IPCEF1: variants seen among roughly 807,000 people sequenced by gnomAD.
IPCEF1 encodes the protein interactor protein for cytohesin exchange factors 1.
Under a neutral mutation model 50.9 loss-of-function variants are expected in IPCEF1, and 31 were observed. The observed-to-expected ratio is 0.61, with a 90% confidence interval of 0.46 to 0.82. The LOEUF (loss-of-function observed/expected upper bound fraction) is 0.82. Ranked by LOEUF, IPCEF1 falls within the 40% of genes least tolerant of loss-of-function variation. IPCEF1 has a pLI of 0.00. For synonymous variants in IPCEF1, 181 were observed against 192.0 expected, an observed-to-expected ratio of 0.94 and a Z score of 0.47; for missense variants, 458 against 514.0, an observed-to-expected ratio of 0.89 and a Z score of 1.05.
At chr6:154,205,029 T>C (rs1170116084) in intron 9 of IPCEF1, among the ~76,000 whole-genome samples, 12 of 152,114 alleles carry the variant, frequency 7.9e-5, no homozygotes, top group Admixed American at 2.6e-4. Flanking sequence ...CTCCTTCCCA[T>C]TGCTTGGACC....
At chr6:154,219,576 T>C (rs1355916818) in intron 7 of IPCEF1, among the ~76,000 whole-genome samples, 1 of 152,022 alleles carries the variant, frequency 6.6e-6, no homozygotes, top group Non-Finnish European at 1.5e-5. Context: ...CCTTGTGCCT[T>C]CCACATCCCA....
intron 1 of IPCEF1, among the ~76,000 whole-genome samples, chr6:154,294,718 A>C (rs190955710): frequency 1.8e-3 from 280 of 152,096 alleles, no homozygotes; most frequent in African/African-American, 6.5e-3. Context: ...CTTTTTGCCC[A>C]ATAAACCCTG....
chr6:154,271,412 A>C (rs1012949407), intron 2 of IPCEF1, among the ~76,000 whole-genome samples: 10 of 152,102 alleles, frequency 6.6e-5, no homozygotes, highest in African/African-American at 2.4e-4. Flanking sequence ...TGGAATGAAA[A>C]TATGAGTTTC....
At chr6:154,337,840 G>T (rs566176079) in intron 1 of IPCEF1, among the ~76,000 whole-genome samples, 1 of 152,182 alleles carries the variant, frequency 6.6e-6, no homozygotes, top group South Asian at 2.1e-4. Context: ...AGGAAGACTC[G>T]AGTAGAGGAC....
intron 3 of IPCEF1, among the ~76,000 whole-genome samples, chr6:154,256,905 T>C (rs560487236): frequency 6.6e-6 from 1 of 152,332 alleles, no homozygotes; most frequent in Non-Finnish European, 1.5e-5. Context: ...TTCAACACTT[T>C]ATTATAAAAT....
chr6:154,178,681 C>CA (rs2128565034), intron 10 of IPCEF1, among the ~76,000 whole-genome samples: 1 of 152,010 alleles, frequency 6.6e-6, no homozygotes, highest in South Asian at 2.1e-4. Context: ...ATATTATGCT[C>CA]AAAAAAACCA....
At chr6:154,351,645 C>A (rs1784121633) in intron 1 of IPCEF1, among the ~76,000 whole-genome samples, 1 of 152,142 alleles carries the variant, frequency 6.6e-6, no homozygotes, top group Admixed American at 6.5e-5. Flanking sequence ...GAATGGTAGA[C>A]CACAGGCTCA....
chr6:154,169,246 A>C (rs560647752), intron 10 of IPCEF1, among the ~76,000 whole-genome samples: 2 of 152,240 alleles, frequency 1.3e-5, no homozygotes, highest in East Asian at 3.9e-4. Context: ...CTGTCATCCC[A>C]GCTACTCAGG....
intron 2 of IPCEF1, among the ~76,000 whole-genome samples, chr6:154,285,473 T>A (rs180961533): frequency 6.6e-6 from 1 of 152,184 alleles, no homozygotes; most frequent in Non-Finnish European, 1.5e-5. Flanking sequence ...ATACCCATAT[T>A]TTTGAGCTAA....
rs1333443781 is a variant in IPCEF1 at position 154,155,429 on chromosome 6, C to G, written c.*4399G>C. On this transcript the variant is annotated 3_prime_UTR_variant, in exon 12 of 12. Transcript: ENST00000367220. ...TGTTAGACTGAAGAAGAAATGCCCC[C>G]TAAAACTATGTGGATATGGCAGCTT... 6.6e-6 allele frequency: 1 copy of G among 152,168 alleles called. No individual in the cohort carries two copies. The highest frequency in any genetic ancestry group is 1.5e-5 in the Non-Finnish European group (1 of 68,020). The allele number at this position is 152,168 out of a possible 1,614,324, so 9.4% of individuals were successfully genotyped here.
intron 9 of IPCEF1, among the ~76,000 whole-genome samples, chr6:154,206,435 CT>C (rs1777501907): frequency 6.6e-6 from 1 of 152,240 alleles, no homozygotes; most frequent in African/African-American, 2.4e-5. Flanking sequence ...ACCCATCCAT[CT>C]GTCCATTAAA....
intron 2 of IPCEF1, among the ~76,000 whole-genome samples, chr6:154,272,810 C>A (rs2128658850): frequency 6.6e-6 from 1 of 152,152 alleles, no homozygotes; most frequent in Middle Eastern, 3.4e-3. Flanking sequence ...GAAAATGAAC[C>A]AAGAATATCA....
chr6:154,177,517 A>C (rs1253975980), intron 10 of IPCEF1, among the ~76,000 whole-genome samples: 2 of 152,258 alleles, frequency 1.3e-5, no homozygotes, highest in African/African-American at 4.8e-5. Context: ...ACATTTATGC[A>C]GCCAACAGAC....
At chr6:154,205,157 G>A (rs1363547188) in intron 9 of IPCEF1, among the ~76,000 whole-genome samples, 2 of 152,166 alleles carry the variant, frequency 1.3e-5, no homozygotes, top group Non-Finnish European at 2.9e-5. Context: ...CATCTTCAGA[G>A]CATTTGTCAG....
chr6:154,276,286 A>G (rs1360946609), intron 2 of IPCEF1, among the ~76,000 whole-genome samples: 5 of 77,030 alleles, frequency 6.5e-5, no homozygotes, highest in South Asian at 3.6e-4. Context: ...AAGAAAAGAA[A>G]AAAAAAGAAA....
intron 5 of IPCEF1, among the ~76,000 whole-genome samples, chr6:154,224,732 AAAAG>A (rs932350679): frequency 6.6e-6 from 1 of 152,068 alleles, no homozygotes; most frequent in African/African-American, 2.4e-5. Context: ...ACAAACAAAA[AAAAG>A]AGATTCAAAA....
chr6:154,221,014 G>A (rs557042770), intron 7 of IPCEF1, among the ~76,000 whole-genome samples: 1 of 152,128 alleles, frequency 6.6e-6, no homozygotes, highest in South Asian at 2.1e-4. Context: ...AATGACTTCT[G>A]TCCACTCCTT....
intron 2 of IPCEF1, among the ~76,000 whole-genome samples, chr6:154,274,140 T>A (rs1356930939): frequency 6.6e-6 from 1 of 152,116 alleles, no homozygotes; most frequent in East Asian, 1.9e-4. Flanking sequence ...ATTCTTTCTC[T>A]TTCGGTTATC....
intron 1 of IPCEF1, among the ~76,000 whole-genome samples, chr6:154,316,403 T>C (rs1783219565): frequency 6.6e-6 from 1 of 152,206 alleles, no homozygotes; most frequent in Non-Finnish European, 1.5e-5. Context: ...ATCTCTGAGT[T>C]ATGCCTAGAT....
Sources: gnomAD v4.1 joint callset for allele counts (sites outside exome capture counted in the v4.1 genomes callset) on GRCh38, gnomAD v4.1.1 for gene constraint, MANE v1.5 for transcripts, NCBI Gene and HGNC (gene_info 2026-07-23, HGNC 2026-07-21) for gene names.